YES1: variants seen among roughly 807,000 people sequenced by gnomAD.
YES1 encodes tyrosine-protein kinase Yes.
Under a neutral mutation model 70.4 loss-of-function variants are expected in YES1, and 39 were observed. That is an observed-to-expected ratio of 0.55 (90% CI 0.43 to 0.72). YES1 has a LOEUF of 0.72. Among genes scored for constraint, YES1 ranks in the 30% least tolerant of loss-of-function variants. The pLI is 0.00. For synonymous variants in YES1, 198 were observed against 218.6 expected (o/e 0.91, Z 0.83); for missense variants, 495 against 644.8 (o/e 0.77, Z 2.52).
chr18:764,986 A>G (rs1229252312), intron 1 of YES1, among the ~76,000 whole-genome samples: 3 of 151,030 alleles, frequency 2.0e-5, no homozygotes, highest in Non-Finnish European at 4.4e-5. Flanking sequence ...CGTCCGCCTT[A>G]GCCTCCCAAA....
At chr18:785,563 C>G (rs1905894443) in intron 1 of YES1, among the ~76,000 whole-genome samples, 1 of 152,120 alleles carries the variant, frequency 6.6e-6, no homozygotes, top group South Asian at 2.1e-4. Context: ...AGATGATACT[C>G]TATGCTATGG....
intron 1 of YES1, among the ~76,000 whole-genome samples, chr18:794,487 T>C (rs555647452): frequency 2.9e-4 from 44 of 152,300 alleles, no homozygotes; most frequent in African/African-American, 1.0e-3. Context: ...ATTAGGACAA[T>C]TGGAAAAATA....
intron 8 of YES1, among the ~76,000 whole-genome samples, chr18:741,895 G>T (rs2145703449): frequency 6.6e-6 from 1 of 152,344 alleles, no homozygotes; most frequent in Admixed American, 6.5e-5. Context: ...AGCGCCAGGT[G>T]CTTTGGGTCT....
At chr18:755,496 C>G (rs1396804751) in intron 2 of YES1, among the ~76,000 whole-genome samples, 1 of 152,154 alleles carries the variant, frequency 6.6e-6, no homozygotes, top group Non-Finnish European at 1.5e-5. Flanking sequence ...AGGCAATCTG[C>G]CTGCCTCAGC....
intron 1 of YES1, among the ~76,000 whole-genome samples, chr18:806,977 G>C (rs571389467): frequency 2.6e-5 from 4 of 152,318 alleles, no homozygotes; most frequent in African/African-American, 9.6e-5. Flanking sequence ...GTAAAAGTAA[G>C]GACAAGACGC....
rs374204484 is a variant in YES1 at position 756,674 on chromosome 18, C to G, written c.154G>C (p.Val52Leu). ...GTCATGGAAAGACTGCTGAAATTAA[C>G]TGCTGTTCCCTTTGCTGAAGATGAC... ...CPSSSAKGTA[V>L]NFSSLSMTPF... Residue 52 changes from valine to leucine, a missense_variant, in exon 2 of 12, where the codon GTT becomes CTT. This residue lies in a region of YES1 where 110 missense variants were observed against 104.0 expected (regional missense o/e 1.06). Transcript: ENST00000314574. The G allele has an allele frequency of 1.8e-5, 29 of 1,614,096 alleles. No individual in the cohort carries two copies. The highest frequency in any genetic ancestry group is 2.5e-5 in the Non-Finnish European group (29 of 1,180,042).
intron 7 of YES1, 54 bp from the exon 8 acceptor site, chr18:743,151 C>T (rs945993600): frequency 1.3e-6 from 2 of 1,544,866 alleles, no homozygotes; most frequent in African/African-American, 2.8e-5. Context: ...TTAGACCAAA[C>T]TTCAGTGAAC....
intron 1 of YES1, among the ~76,000 whole-genome samples, chr18:793,805 A>G (rs1906396811): frequency 6.6e-6 from 1 of 152,246 alleles, no homozygotes; most frequent in African/African-American, 2.4e-5. Flanking sequence ...TCAAAAGTAC[A>G]TAGGAACTAG....
At chr18:725,686 A>AAGACC (rs2080009867) in intron 11 of YES1, among the ~76,000 whole-genome samples, 1 of 152,122 alleles carries the variant, frequency 6.6e-6, no homozygotes, top group South Asian at 2.1e-4. Flanking sequence ...TCAGGAGTTC[A>AAGACC]AGACCAGCCT....
At chr18:748,137 C>T in intron 3 of YES1, 119 bp from the exon 4 acceptor site, 1 of 713,880 alleles carries the variant, frequency 1.4e-6, no homozygotes, top group Non-Finnish European at 2.3e-6. Context: ...TTTATTTATG[C>T]ATTCATTGGA....
rs558234085 is a variant in YES1 at position 722,359 on chromosome 18, G to A, written c.*2065C>T. 2.0e-3 allele frequency: 305 copies of A among 149,204 alleles called. 3 individuals carry two copies. Among genetic ancestry groups the A allele is most frequent in the Non-Finnish European group, 3.1e-3 (205 of 66,834 alleles). The allele number at this position is 149,204 out of a possible 1,614,324, so 9.2% of individuals were successfully genotyped here. A position where few individuals can be genotyped will look rare whatever the true frequency, so the allele number is the denominator to read the frequency against. On this transcript the variant is annotated 3_prime_UTR_variant, in exon 12 of 12. Coordinates refer to ENST00000314574, the MANE Select transcript of YES1 (RefSeq NM_005433.4). ...CAGAACCACTGCCAACTTGCATGAA[G>A]TCCATCTTCACATTTTAAAAATGGT...
rs1904385795 is a variant in YES1, at chr18:758,074, T to G, written c.-8-1239A>C. ...AGTCACAAATGTGAGCCACATAATT[T>G]TAAATTTTCTAATTTAGTGTAGCCA... is the stretch of plus-strand genomic sequence containing the variant. On this transcript the variant is annotated intron_variant, in intron 1 of 11. Coordinates refer to ENST00000314574, the MANE Select transcript of YES1 (RefSeq NM_005433.4). 2.0e-5 allele frequency among the ~76,000 whole-genome samples: 3 copies of G among 152,274 alleles called. No individual in the cohort carries two copies. The East Asian group carries it at 5.8e-4, about 29-fold the overall frequency.
At chr18:738,520 C>T (rs1598894150) in intron 9 of YES1, 2 of 151,840 alleles carry the variant, frequency 1.3e-5, no homozygotes, top group Admixed American at 1.3e-4. Context: ...GAAACCCCGT[C>T]CCTACTAAAA....
chr18:798,310 G>A (rs926496481), intron 1 of YES1, among the ~76,000 whole-genome samples: 8 of 152,176 alleles, frequency 5.3e-5, no homozygotes, highest in Admixed American at 2.0e-4. Context: ...TTATCTCTAA[G>A]AATCATCAAT....
rs534530434 is a variant in YES1, at chr18:775,746, G to A, written c.-8-18911C>T. 5.1e-4 allele frequency among the ~76,000 whole-genome samples: 78 copies of A among 152,182 alleles called. 1 individual carries two copies. Among genetic ancestry groups the A allele is most frequent in the African/African-American group, 1.7e-3 (71 of 41,508 alleles). ...TGGGAGATAGAGGCTACAGTGAGCCGTGATTGTGCCACTGCACTCCAGCCT... is the reference window on the plus strand; with the variant it reads ...TGGGAGATAGAGGCTACAGTGAGCCATGATTGTGCCACTGCACTCCAGCCT... On this transcript the variant is annotated intron_variant, in intron 1 of 11. Transcript: ENST00000314574.
chr18:736,768 A>C, intron 10 of YES1, 40 bp downstream of exon 10: 1 of 1,595,958 alleles, frequency 6.3e-7, no homozygotes, highest in East Asian at 2.2e-5. Flanking sequence ...TAAGCAAAAC[A>C]CACAACACAT....
chr18:755,620 T>C (rs569600981), intron 2 of YES1, among the ~76,000 whole-genome samples: 2 of 152,182 alleles, frequency 1.3e-5, no homozygotes, highest in South Asian at 2.1e-4. Context: ...ATGCTTGTAG[T>C]GGGGATTTAT....
At chr18:737,116 A>T (rs756070807) in intron 9 of YES1, 155 bp from the exon 10 acceptor site, 4 of 627,638 alleles carry the variant, frequency 6.4e-6, no homozygotes, top group Non-Finnish European at 7.7e-6. Flanking sequence ...TAACAGGAAA[A>T]CCAGAAAACA....
At chr18:791,377 T>C (rs1444910652) in intron 1 of YES1, among the ~76,000 whole-genome samples, 1 of 152,214 alleles carries the variant, frequency 6.6e-6, no homozygotes, top group Non-Finnish European at 1.5e-5. Context: ...AGGCAGCTGC[T>C]ATGTGCTAAA....
Sources: allele counts gnomAD v4.1 joint callset (sites outside exome capture counted in the v4.1 genomes callset), GRCh38; gene constraint gnomAD v4.1.1; regional missense constraint gnomAD v4.1.1; transcripts MANE v1.5; gene names NCBI Gene and HGNC (gene_info 2026-07-23, HGNC 2026-07-21).